CLUH: variants seen among roughly 807,000 people sequenced by gnomAD.
The protein encoded by CLUH is CLUH binding protein of NUMT mRNA.
A neutral mutation model predicts 139.3 loss-of-function variants in CLUH; 77 were observed. The ratio of observed to expected loss-of-function variants is 0.55; its 90% CI spans 0.46 to 0.67. The LOEUF is 0.67. CLUH is among the 30% of genes least tolerant of loss of function. The pLI is 0.00. For synonymous variants in CLUH, 999 were observed against 801.6 expected, an observed-to-expected ratio of 1.25 and a Z score of -4.16; for missense variants, 1,876 against 1,875.8, an observed-to-expected ratio of 1.00 and a Z score of 0.00.
At chr17:2,710,655 C>G (rs2070486605) in intron 1 of CLUH, among the ~76,000 whole-genome samples, 1 of 152,006 alleles carries the variant, frequency 6.6e-6, no homozygotes, top group African/African-American at 2.4e-5. Flanking sequence ...GTCTGAGACA[C>G]GGTGGAGGGA....
chr17:2,697,610 C>A (rs968542359), intron 10 of CLUH, among the ~76,000 whole-genome samples: 1 of 152,174 alleles, frequency 6.6e-6, no homozygotes, highest in Non-Finnish European at 1.5e-5. Context: ...CGCCCCAGCA[C>A]GGGGACAGTC....
chr17:2,698,088 T>G lies in CLUH; in HGVS notation c.1769A>C (p.Lys590Thr). 6.2e-7 allele frequency: 1 copy of G among 1,605,462 alleles called. No homozygotes were observed. The highest frequency in any genetic ancestry group is 8.5e-7 in the Non-Finnish European group (1 of 1,177,760). ...EVELCSSVECKGIIGNDGRHY... is the reference protein window; with the variant it reads ...EVELCSSVECTGIIGNDGRHY... ...GCGCCCGTCGTTGCCAATGATGCCC[T>G]TGCACTCGACCGAGGAGCAGAGCTC... Residue 590 changes from lysine to threonine, a missense_variant, in exon 10 of 26, where the codon AAG (lysine) becomes ACG (threonine). Around this residue, in one of 3 missense-constraint regions of CLUH, gnomAD observed 1,454 missense variants for 1,384.4 expected, o/e 1.05. Coordinates refer to ENST00000651024, the MANE Select transcript of CLUH (RefSeq NM_001366661.1).
chr17:2,691,595 G>A lies in CLUH; in HGVS notation c.3863+14C>T, dbSNP rs913831380. On this transcript the variant is annotated intron_variant, in intron 25 of 25. Coordinates refer to ENST00000651024, the MANE Select transcript of CLUH (RefSeq NM_001366661.1). ...CCCCAACCGGGAGACACTCGAGTGG[G>A]GCGGAGGCCTCACCTGAGAGGAATG... 1.2e-6 allele frequency: 2 copies of A among 1,610,394 alleles called. No homozygotes were observed. The highest frequency in any genetic ancestry group is 1.7e-6 in the Non-Finnish European group (2 of 1,178,404).
Position 2,690,456 on chromosome 17 carries a change from G to A in CLUH, c.*138C>T, listed in dbSNP as rs987953500. 6.9e-6 allele frequency: 5 copies of A among 723,608 alleles called. No individual in the cohort carries two copies. The highest frequency in any genetic ancestry group is 2.0e-6 in the Non-Finnish European group (1 of 495,222). 44.8% of individuals were successfully genotyped at this position (723,608 alleles called of 1,614,324 possible). On this transcript the variant is annotated 3_prime_UTR_variant, in exon 26 of 26. Transcript: ENST00000651024. ...GGGCAGGCAGGCCAGGCTCCCAGGAGGACACGGGGGTGGGGTGGGGTGAGA... is the reference window on the plus strand; with the variant it reads ...GGGCAGGCAGGCCAGGCTCCCAGGAAGACACGGGGGTGGGGTGGGGTGAGA...
At position 2,706,443 on chromosome 17, in the gene CLUH, G is replaced by A. The variant is rs938702237; in HGVS notation, c.101-1879C>T. ...CCTCCTGCAGCCCGCACCCTACGCC[G>A]CGGCACTCCCTCAACTCTGGCCACT... On this transcript the variant is annotated intron_variant, in intron 1 of 25. Coordinates refer to ENST00000651024, the MANE Select transcript of CLUH (RefSeq NM_001366661.1). This position sits in a 1 kb window ranked among gnomAD's most constrained non-coding sequence, Gnocchi z 4.6. Among the ~76,000 whole-genome samples the A allele has an allele frequency of 3.9e-5, 6 of 152,036 alleles. No homozygotes were observed. The highest frequency in any genetic ancestry group is 2.0e-4 in the Admixed American group (3 of 15,256).
At chr17:2,705,210 C>T (rs1413965658) in intron 1 of CLUH, among the ~76,000 whole-genome samples, 1 of 152,162 alleles carries the variant, frequency 6.6e-6, no homozygotes, top group Non-Finnish European at 1.5e-5. Flanking sequence ...CATCTTCCTC[C>T]TCAAACTGGC....
rs1017880597 is a variant in CLUH at position 2,707,661 on chromosome 17, G to A, written c.101-3097C>T. The A allele has an allele frequency of 1.2e-5, 12 of 985,372 alleles. No homozygotes were observed. Among genetic ancestry groups the A allele is most frequent in the Non-Finnish European group, 1.4e-5 (12 of 829,902 alleles). The allele number at this position is 985,372 out of a possible 1,614,324, so 61.0% of individuals were successfully genotyped here. ...GCCCAGCAAGGGGGTCCTCTCCTCC[G>A]CTCCCATCCCAGTGGGGGTGAACAG... On this transcript the variant is annotated intron_variant, in intron 1 of 25. Coordinates refer to ENST00000651024, the MANE Select transcript of CLUH (RefSeq NM_001366661.1). This position sits in a 1 kb window ranked among gnomAD's most constrained non-coding sequence, Gnocchi z 7.4.
In CLUH at chr17:2,704,246, C is replaced by T. The variant is rs376237668; in HGVS notation, c.303+116G>A. On this transcript the variant is annotated intron_variant, in intron 2 of 25. Coordinates refer to ENST00000651024, the MANE Select transcript of CLUH (RefSeq NM_001366661.1). The surrounding 1 kb of genome is among the most constrained non-coding windows in gnomAD (Gnocchi z 5.7). ...AGTGACTCTAGGGAGGGCACGGGATCCTCAGTTTCCTGCCACAAAATGGGG... is the reference window on the plus strand; with the variant it reads ...AGTGACTCTAGGGAGGGCACGGGATTCTCAGTTTCCTGCCACAAAATGGGG... 1.8e-5 allele frequency: 20 copies of T among 1,108,672 alleles called. No individual in the cohort carries two copies. The African/African-American group carries it at 3.0e-4, about 17-fold the overall frequency. 68.7% of individuals were successfully genotyped at this position (1,108,672 alleles called of 1,614,324 possible).
At chr17:2,700,950 G>C (rs963587139) in intron 7 of CLUH, 125 bp from the exon 8 acceptor site, 1 of 1,429,740 alleles carries the variant, frequency 7.0e-7, no homozygotes, top group Admixed American at 2.4e-5. Context: ...CCTGGAGCCA[G>C]ATGGAAGTGC....
rs778236089 is a variant in CLUH, at chr17:2,698,609, G to A, written c.1267-19C>T. On this transcript the variant is annotated intron_variant, in intron 9 of 25. Transcript: ENST00000651024. ...TGTGCACCTGGCGGGGGTCGAGGAG[G>A]GCAGGGTTAGAGGCCGCGCCCACAA... 6 of 1,565,230 alleles carry A rather than the reference G, an allele frequency of 3.8e-6. No homozygotes were observed. The highest frequency in any genetic ancestry group is 5.2e-6 in the Non-Finnish European group (6 of 1,154,384).
intron 23 of CLUH, 31 bp downstream of exon 23, chr17:2,691,973 C>CCCCCGCCCCG (rs755933672): frequency 1.6e-4 from 76 of 467,024 alleles, no homozygotes; most frequent in African/African-American, 2.7e-4. Context: ...CCCCGCCCCG[C>CCCCCGCCCCG]CCCCGCCCCC....
At chr17:2,692,751 C>G (rs756120490) in intron 20 of CLUH, 29 bp downstream of exon 20, 1 of 1,599,716 alleles carries the variant, frequency 6.3e-7, no homozygotes, top group Admixed American at 1.7e-5. Context: ...CCCTCGCATC[C>G]CCCGGCGCGG....
chr17:2,694,002 G>A lies in CLUH; in HGVS notation c.3129C>T (p.Ala1043=), dbSNP rs1434475023. ...CGTAGACGTTGTTAAACAGGTTCAGGGCCTCATTGATGAGCTCACAGCCCT... is the reference window on the plus strand; with the variant it reads ...CGTAGACGTTGTTAAACAGGTTCAGAGCCTCATTGATGAGCTCACAGCCCT... ...LKEGCELINE[A]LNLFNNVYGA... Residue 1043 remains alanine, a synonymous_variant, in exon 19 of 26, where the codon GCC becomes GCT. Transcript: ENST00000651024. 11 of 1,613,804 alleles carry A rather than the reference G, an allele frequency of 6.8e-6. No homozygotes were observed. The highest frequency in any genetic ancestry group is 9.3e-6 in the Non-Finnish European group (11 of 1,179,866).
chr17:2,698,445 C>A lies in CLUH; in HGVS notation c.1412G>T (p.Arg471Leu). The A allele has an allele frequency of 3.1e-6, 5 of 1,613,352 alleles. No individual in the cohort carries two copies. Among genetic ancestry groups the A allele is most frequent in the Non-Finnish European group, 3.4e-6 (4 of 1,179,834 alleles). The change falls in exon 10 of 26, where the codon CGA becomes CTA. Residue 471 changes from arginine to leucine, a missense_variant. By Grantham distance (102) the Arg-to-Leu change is moderately radical (BLOSUM62 -2). This residue lies in a region of CLUH where 1,454 missense variants were observed against 1,384.4 expected (regional missense o/e 1.05). Coordinates refer to ENST00000651024, the MANE Select transcript of CLUH (RefSeq NM_001366661.1). ...NIFFSLGFDV[R>L]DHYKDFGGDV... ...CCCCCCGAAGTCCTTGTAGTGGTCT[C>A]GGACGTCGAAGCCCAGGCTGAAGAA...
Position 2,693,935 on chromosome 17 carries a change from C to T in CLUH, c.3196G>A (p.Ala1066Thr), listed in dbSNP as rs1418092369. 1.2e-6 allele frequency: 2 copies of T among 1,613,392 alleles called. No homozygotes were observed. Among genetic ancestry groups the T allele is most frequent in the African/African-American group, 1.3e-5 (1 of 74,946 alleles). ...TCGCCCATGATGTAGTGGAGGCGGGCGAGGAGGCGCAGGCAGGCGCAGGTC... is the reference window on the plus strand; with the variant it reads ...TCGCCCATGATGTAGTGGAGGCGGGTGAGGAGGCGCAGGCAGGCGCAGGTC... The part of the protein sequence containing the change: ...VETCACLRLL[A>T]RLHYIMGDYA... Residue 1066 changes from alanine (A) to threonine (T), a missense_variant, in exon 19 of 26, where the codon GCC (alanine) becomes ACC (threonine). Physicochemically the swap from Ala to Thr is moderately conservative, Grantham distance 58. Transcript: ENST00000651024.
In CLUH at chr17:2,698,336, C is replaced by G. The variant is rs530875150; in HGVS notation, c.1521G>C (p.Thr507=). ...GGTAATCCACCACCACCGTGCCCAG[C>G]GTGTACAGCCCCTCCACGTCCACCG... ...YNAVDVEGLY[T]LGTVVVDYRG... Residue 507 remains threonine (T), a synonymous_variant, in exon 10 of 26, where the codon ACG becomes ACC. Coordinates refer to ENST00000651024, the MANE Select transcript of CLUH (RefSeq NM_001366661.1). 2.5e-6 allele frequency: 4 copies of G among 1,613,026 alleles called. No individual in the cohort carries two copies. In the Admixed American group the frequency reaches 6.7e-5, roughly 27 times the overall value.
At chr17:2,708,584 C>A (rs927467128) in intron 1 of CLUH, among the ~76,000 whole-genome samples, 3 of 152,154 alleles carry the variant, frequency 2.0e-5, no homozygotes, top group African/African-American at 7.2e-5. Context: ...CAAGAAAAAA[C>A]CAGGTGTTAC....
chr17:2,690,162 G>A lies in CLUH; in HGVS notation c.*432C>T, dbSNP rs2069566596. On this transcript the variant is annotated 3_prime_UTR_variant, in exon 26 of 26. Coordinates refer to ENST00000651024, the MANE Select transcript of CLUH (RefSeq NM_001366661.1). ...TGGCAGCCAAAGCAGCAGCCATCATGTCGACCATACAAATGACCTGAGAAA... is the reference window on the plus strand; with the variant it reads ...TGGCAGCCAAAGCAGCAGCCATCATATCGACCATACAAATGACCTGAGAAA... 1.2e-5 allele frequency: 2 copies of A among 164,624 alleles called. No homozygotes were observed. Among genetic ancestry groups the A allele is most frequent in the South Asian group, 4.0e-4 (2 of 4,994 alleles). 10.2% of individuals were successfully genotyped at this position (164,624 alleles called of 1,614,324 possible).
At position 2,690,568 on chromosome 17, in the gene CLUH, G is replaced by A. The variant is rs1029996225; in HGVS notation, c.*26C>T. The stretch of plus-strand genomic sequence containing the variant: ...CGGGCTCCCTGGTGACGGGGCCGCT[G>A]GCTGGCTGTCCGTCTGGCTCCCTCT... On this transcript the variant is annotated 3_prime_UTR_variant, in exon 26 of 26. Coordinates refer to ENST00000651024, the MANE Select transcript of CLUH (RefSeq NM_001366661.1). The A allele has an allele frequency of 1.4e-6, 2 of 1,426,456 alleles. No homozygotes were observed. Among genetic ancestry groups the A allele is most frequent in the Non-Finnish European group, 1.8e-6 (2 of 1,086,278 alleles). The allele number at this position is 1,426,456 out of a possible 1,614,324, so 88.4% of individuals were successfully genotyped here.
Sources: allele counts gnomAD v4.1 joint callset (sites outside exome capture counted in the v4.1 genomes callset), GRCh38; gene constraint gnomAD v4.1.1; regional missense constraint gnomAD v4.1.1; non-coding constraint Gnocchi (gnomAD v3.1); transcripts MANE v1.5; gene names NCBI Gene and HGNC (gene_info 2026-07-23, HGNC 2026-07-21).